PLCB4: variants seen among roughly 807,000 people sequenced by gnomAD.
The protein encoded by PLCB4 is 1-phosphatidylinositol 4,5-bisphosphate phosphodiesterase beta-4.
PLCB4 carries 77 observed loss-of-function variants against 178.8 expected under a neutral mutation model. The ratio of observed to expected loss-of-function variants is 0.43; its 90% CI spans 0.36 to 0.52. The LOEUF (loss-of-function observed/expected upper bound fraction) is 0.52, where lower values mean the gene tolerates loss of function less well. Among genes scored for constraint, PLCB4 ranks in the 20% least tolerant of loss-of-function variants. The pLI, the probability that PLCB4 is intolerant of heterozygous loss-of-function variation, is 0.00. For synonymous variants in PLCB4, 496 were observed against 490.8 expected (o/e 1.01, Z -0.14); for missense variants, 1,024 against 1,453.4 (o/e 0.70, Z 4.80).
chr20:9,393,561 A>T, intron 17 of PLCB4, 27 bp from the exon 18 acceptor site: 1 of 1,466,914 alleles, frequency 6.8e-7, no homozygotes, highest in Non-Finnish European at 9.5e-7. Flanking sequence ...GCCCTTCCTT[A>T]ATTCAGCTCT....
chr20:9,168,582 AGGCTCCC>A (rs1568881813), intron 2 of PLCB4, among the ~76,000 whole-genome samples: 1 of 152,192 alleles, frequency 6.6e-6, no homozygotes, highest in Admixed American at 6.5e-5. Context: ...CATTGCTAAC[AGGCTCCC>A]AGGTGCTGCT....
At chr20:9,448,812 T>C (rs2042572796) in intron 32 of PLCB4, among the ~76,000 whole-genome samples, 1 of 152,100 alleles carries the variant, frequency 6.6e-6, no homozygotes. Flanking sequence ...GTTTAAGAAA[T>C]AAATGTATGG....
At chr20:9,223,971 G>A (rs141529237) in intron 3 of PLCB4, among the ~76,000 whole-genome samples, 9 of 152,226 alleles carry the variant, frequency 5.9e-5, no homozygotes, top group Admixed American at 2.0e-4. Context: ...TCCTCAGAAT[G>A]GGATACAATT....
intron 3 of PLCB4, among the ~76,000 whole-genome samples, chr20:9,226,062 G>C (rs1253376950): frequency 6.6e-6 from 1 of 152,100 alleles, no homozygotes; most frequent in African/African-American, 2.4e-5. Flanking sequence ...TGTGGCCTGT[G>C]GGGGGAATCA....
intron 2 of PLCB4, among the ~76,000 whole-genome samples, chr20:9,159,951 T>G (rs1488069701): frequency 6.6e-6 from 1 of 152,152 alleles, no homozygotes; most frequent in Non-Finnish European, 1.5e-5. Context: ...TTCTGATAGA[T>G]TTTAGGCCTG....
chr20:9,297,636 A>G (rs750258374), intron 3 of PLCB4, among the ~76,000 whole-genome samples: 3 of 152,168 alleles, frequency 2.0e-5, no homozygotes, highest in South Asian at 2.1e-4. Context: ...CATCACGTGT[A>G]GATAGGCCCC....
chr20:9,214,650 A>G (rs898888150), intron 2 of PLCB4, among the ~76,000 whole-genome samples: 1 of 151,862 alleles, frequency 6.6e-6, no homozygotes, highest in Non-Finnish European at 1.5e-5. Flanking sequence ...CCAAAGCCCC[A>G]TGTAATCCCT....
chr20:9,218,091 C>G (rs1000125198), intron 3 of PLCB4, among the ~76,000 whole-genome samples: 2 of 152,210 alleles, frequency 1.3e-5, no homozygotes, highest in Admixed American at 6.5e-5. Context: ...TTTATAATCC[C>G]TTGATCAAAT....
At chr20:9,213,830 G>A (rs564790497) in intron 2 of PLCB4, among the ~76,000 whole-genome samples, 3 of 152,194 alleles carry the variant, frequency 2.0e-5, no homozygotes, top group South Asian at 2.1e-4. Flanking sequence ...CACTTGTTAT[G>A]TCTTTTGATT....
At chr20:9,169,042 C>A (rs562685855) in intron 2 of PLCB4, among the ~76,000 whole-genome samples, 4 of 152,276 alleles carry the variant, frequency 2.6e-5, no homozygotes, top group Non-Finnish European at 4.4e-5. Flanking sequence ...GCCCTCATGT[C>A]CTGCCAATCA....
chr20:9,090,512 GTT>G (rs745364250), intron 1 of PLCB4, among the ~76,000 whole-genome samples: 3 of 35,972 alleles, frequency 8.3e-5, no homozygotes, highest in African/African-American at 1.8e-4. Flanking sequence ...TTTTTAGTGT[GTT>G]TTTTTTTTTT....
chr20:9,380,383 A>C (rs1237125463), intron 13 of PLCB4, among the ~76,000 whole-genome samples: 1 of 152,192 alleles, frequency 6.6e-6, no homozygotes, highest in Non-Finnish European at 1.5e-5. Context: ...GTATTATTAA[A>C]TACATTATAG....
At chr20:9,327,759 G>A (rs1450735511) in intron 4 of PLCB4, among the ~76,000 whole-genome samples, 2 of 152,014 alleles carry the variant, frequency 1.3e-5, no homozygotes, top group African/African-American at 2.4e-5. Context: ...CTGGGTGACA[G>A]AGCGAGACTC....
At chr20:9,412,505 CT>C (rs1048072138) in intron 25 of PLCB4, among the ~76,000 whole-genome samples, 6 of 152,134 alleles carry the variant, frequency 3.9e-5, no homozygotes, top group Non-Finnish European at 8.8e-5. Flanking sequence ...AAAAAAATGT[CT>C]TTTTTCTAGA....
chr20:9,435,140 CA>C (rs746384553), intron 28 of PLCB4, among the ~76,000 whole-genome samples: 5 of 152,198 alleles, frequency 3.3e-5, no homozygotes, highest in African/African-American at 7.2e-5. Flanking sequence ...TTCATCATCT[CA>C]TTGAATTATC....
intron 30 of PLCB4, among the ~76,000 whole-genome samples, chr20:9,441,921 T>A (rs1222093729): frequency 2.0e-5 from 3 of 152,074 alleles, no homozygotes; most frequent in Admixed American, 1.3e-4. Flanking sequence ...TTTTTTTTTT[T>A]TTTCTGATTT....
At chr20:9,113,661 GCTAAATTGCTAAATAATCTAATATA>G (rs1471847609) in intron 2 of PLCB4, among the ~76,000 whole-genome samples, 1 of 152,120 alleles carries the variant, frequency 6.6e-6, no homozygotes, top group African/African-American at 2.4e-5. Flanking sequence ...AACCCAGATT[GCTAAATTGCTAAATAATCTAATATA>G]CTAAATTGCT....
chr20:9,302,774 A>C (rs957845527), intron 3 of PLCB4, among the ~76,000 whole-genome samples: 3 of 152,178 alleles, frequency 2.0e-5, no homozygotes, highest in African/African-American at 7.2e-5. Context: ...GAGGTCTGAG[A>C]AACATCATAT....
chr20:9,384,037 A>T (rs898598182), intron 13 of PLCB4, among the ~76,000 whole-genome samples, 164 bp from the exon 14 acceptor site: 1 of 152,178 alleles, frequency 6.6e-6, no homozygotes, highest in Non-Finnish European at 1.5e-5. Context: ...ATAATGTGCA[A>T]CTCTCTTATT....
Sources: allele counts gnomAD v4.1 joint callset (sites outside exome capture counted in the v4.1 genomes callset), GRCh38; gene constraint gnomAD v4.1.1; transcripts MANE v1.5; gene names NCBI Gene and HGNC (gene_info 2026-07-23, HGNC 2026-07-21).